Variants in POU2F1 observed in about 807,000 individuals in gnomAD.
POU2F1 encodes POU domain, class 2, transcription factor 1.
In POU2F1, 16 loss-of-function variants were observed where a neutral mutation model predicts 84.9. The observed-to-expected ratio is 0.19, with a 90% confidence interval of 0.13 to 0.29. The LOEUF (loss-of-function observed/expected upper bound fraction) is 0.29, where lower values mean the gene tolerates loss of function less well. Among genes scored for constraint, POU2F1 ranks in the 10% least tolerant of loss-of-function variants. POU2F1 has a pLI of 1.00. For synonymous variants in POU2F1, 368 were observed against 368.3 expected (o/e 1.00, Z 0.01); for missense variants, 738 against 942.6 (o/e 0.78, Z 2.84).
At chr1:167,384,692 TAACCTGGTA>T (rs1647826296) in intron 8 of POU2F1, among the ~76,000 whole-genome samples, 1 of 151,590 alleles carries the variant, frequency 6.6e-6, no homozygotes, top group Non-Finnish European at 1.5e-5. Context: ...GTAACTTTCT[TAACCTGGTA>T]AAGAGCATGT....
chr1:167,403,439 G>T (rs143886760), intron 13 of POU2F1, among the ~76,000 whole-genome samples: 262 of 152,336 alleles, frequency 1.7e-3, no homozygotes, highest in African/African-American at 6.1e-3. Context: ...TGAAAGAGAA[G>T]AAGAGTCAGT....
chr1:167,394,553 A>G (rs984356804), intron 9 of POU2F1, among the ~76,000 whole-genome samples: 25 of 152,340 alleles, frequency 1.6e-4, no homozygotes, highest in African/African-American at 5.8e-4. Context: ...TGTTCTGTAC[A>G]TTGGACATGG....
intron 1 of POU2F1, among the ~76,000 whole-genome samples, chr1:167,274,992 G>A (rs1652621916): frequency 6.6e-6 from 1 of 150,456 alleles, no homozygotes; most frequent in Non-Finnish European, 1.5e-5. Context: ...TGCAACTGAT[G>A]AACTCTGGGG....
intron 1 of POU2F1, among the ~76,000 whole-genome samples, chr1:167,227,372 C>T (rs568193413): frequency 1.3e-5 from 2 of 152,026 alleles, no homozygotes; most frequent in African/African-American, 2.4e-5. Flanking sequence ...GTTGAACTTT[C>T]TCTTTGCAAT....
At chr1:167,347,162 A>T (rs2101774080) in intron 2 of POU2F1, among the ~76,000 whole-genome samples, 1 of 152,292 alleles carries the variant, frequency 6.6e-6, no homozygotes, top group Non-Finnish European at 1.5e-5. Context: ...TTTTGCCTTG[A>T]CTGCCTTAAA....
chr1:167,420,821 A>C lies in POU2F1; in HGVS notation c.*5011A>C, dbSNP rs370938032. The C allele has an allele frequency of 6.6e-6, 1 of 152,204 alleles. No individual in the cohort carries two copies. The highest frequency in any genetic ancestry group is 2.4e-5 in the African/African-American group (1 of 41,454). 9.4% of individuals were successfully genotyped at this position (152,204 alleles called of 1,614,324 possible). ...GGGGGCCTTCTGAAGACCAGTCTGC[A>C]GTTTGAGGAAGGGCCCCAACAATTC... On this transcript the variant is annotated 3_prime_UTR_variant, in exon 16 of 16. Transcript: ENST00000367866.
chr1:167,229,601 G>A (rs1648906134), intron 1 of POU2F1, among the ~76,000 whole-genome samples: 1 of 152,204 alleles, frequency 6.6e-6, no homozygotes, highest in African/African-American at 2.4e-5. Flanking sequence ...GATAATACCA[G>A]TGTTAGAGGG....
intron 2 of POU2F1, among the ~76,000 whole-genome samples, chr1:167,335,297 G>A (rs1342655885): frequency 2.6e-5 from 4 of 152,138 alleles, no homozygotes; most frequent in African/African-American, 9.7e-5. Context: ...ATAGATTATG[G>A]TAAATAATTC....
intron 1 of POU2F1, among the ~76,000 whole-genome samples, chr1:167,324,034 A>C (rs1019167457): frequency 3.3e-5 from 5 of 152,206 alleles, no homozygotes; most frequent in Admixed American, 2.6e-4. Flanking sequence ...AAGGAAAAGA[A>C]TAGAAAAAGA....
intron 1 of POU2F1, among the ~76,000 whole-genome samples, chr1:167,309,411 C>CA (rs1460999632): frequency 6.6e-6 from 1 of 152,118 alleles, no homozygotes; most frequent in Non-Finnish European, 1.5e-5. Context: ...CTTTCCCCAA[C>CA]AGTGGTACAC....
intron 3 of POU2F1, among the ~76,000 whole-genome samples, chr1:167,366,277 G>A (rs977319430): frequency 1.2e-4 from 19 of 152,160 alleles, no homozygotes; most frequent in African/African-American, 4.1e-4. Context: ...CTTGACTTAT[G>A]TTCACAATTA....
chr1:167,336,436 T>C (rs534096606), intron 2 of POU2F1, among the ~76,000 whole-genome samples: 1 of 152,332 alleles, frequency 6.6e-6, no homozygotes, highest in South Asian at 2.1e-4. Context: ...GCATCCTGTT[T>C]AGTGCAATAA....
At chr1:167,231,128 A>G (rs1649033136) in intron 1 of POU2F1, among the ~76,000 whole-genome samples, 1 of 152,248 alleles carries the variant, frequency 6.6e-6, no homozygotes, top group Non-Finnish European at 1.5e-5. Context: ...TGCTTTTAGC[A>G]TTAACGATAA....
chr1:167,375,930 T>C (rs907766442), intron 6 of POU2F1, 99 bp from the exon 7 acceptor site: 1 of 1,401,950 alleles, frequency 7.1e-7, no homozygotes, highest in Admixed American at 1.8e-5. Flanking sequence ...TTTACTCTTC[T>C]TTATTTGGAT....
At chr1:167,323,275 T>C (rs1367508395) in intron 1 of POU2F1, among the ~76,000 whole-genome samples, 1 of 152,176 alleles carries the variant, frequency 6.6e-6, no homozygotes, top group South Asian at 2.1e-4. Flanking sequence ...TTTAGTGAAA[T>C]GGTAAAACTT....
At position 167,370,169 on chromosome 1, in the gene POU2F1, C is replaced by G. The variant is rs34899926; in HGVS notation, c.237C>G (p.Leu79=). 41 of 1,606,842 alleles carry G rather than the reference C, an allele frequency of 2.6e-5. No individual in the cohort carries two copies. In the African/African-American group the frequency reaches 4.9e-4, roughly 19 times the overall value. The change falls in exon 4 of 16, where the codon CTC becomes CTG. Residue 79 remains leucine, a synonymous_variant. Coordinates refer to ENST00000367866, the MANE Select transcript of POU2F1 (RefSeq NM_002697.4). ...CCCCTGATTACTTATAGGTCCAACT[C>G]GCTGGAACAAGTTTACAGGCTGCTG... ...AFLGHLHQVQ[L]AGTSLQAAAQ...
At chr1:167,301,568 G>A (rs1287783004) in intron 1 of POU2F1, among the ~76,000 whole-genome samples, 1 of 152,162 alleles carries the variant, frequency 6.6e-6, no homozygotes, top group Non-Finnish European at 1.5e-5. Context: ...ACTGTTGTGA[G>A]GACCACACCT....
At chr1:167,328,524 A>G (rs1656859803) in intron 1 of POU2F1, among the ~76,000 whole-genome samples, 1 of 152,096 alleles carries the variant, frequency 6.6e-6, no homozygotes, top group Admixed American at 6.6e-5. Context: ...CTTATTACTG[A>G]AGTCATTGTT....
intron 1 of POU2F1, among the ~76,000 whole-genome samples, chr1:167,256,414 G>C (rs913222715): frequency 2.0e-5 from 3 of 149,110 alleles, no homozygotes; most frequent in African/African-American, 7.4e-5. Flanking sequence ...TGTTCTTTGA[G>C]ATTGATAGGG....
Sources: allele counts gnomAD v4.1 joint callset (sites outside exome capture counted in the v4.1 genomes callset), GRCh38; gene constraint gnomAD v4.1.1; transcripts MANE v1.5; gene names NCBI Gene and HGNC (gene_info 2026-07-23, HGNC 2026-07-21).